NCEH1: variants seen among roughly 807,000 people sequenced by gnomAD.
NCEH1 encodes the protein neutral cholesterol ester hydrolase 1.
In NCEH1, 9 loss-of-function variants were observed where a neutral mutation model predicts 25.4. The observed-to-expected ratio is 0.35, with a 90% CI of 0.21 to 0.62. The LOEUF (loss-of-function observed/expected upper bound fraction) is 0.62. Among genes scored for constraint, NCEH1 ranks in the 20% least tolerant of loss-of-function variants. The probability of loss-of-function intolerance (pLI) is 0.72; values close to 1 mark genes in which losing one functional copy is unlikely to be tolerated. For synonymous variants in NCEH1, 200 were observed against 199.8 expected, an observed-to-expected ratio of 1.00 and a Z score of -0.01; for missense variants, 412 against 501.1, an observed-to-expected ratio of 0.82 and a Z score of 1.70.
At chr3:172,637,090 A>G (rs1716629304) in intron 3 of NCEH1, among the ~76,000 whole-genome samples, 1 of 152,126 alleles carries the variant, frequency 6.6e-6, no homozygotes, top group African/African-American at 2.4e-5. Context: ...TATGAAAATT[A>G]TCATATGTTT....
At chr3:172,651,301 T>A (rs191042951) in intron 1 of NCEH1, among the ~76,000 whole-genome samples, 6 of 152,314 alleles carry the variant, frequency 3.9e-5, no homozygotes, top group Admixed American at 3.9e-4. Flanking sequence ...CTCTGAGCCC[T>A]ATCCAGTATG....
intron 1 of NCEH1, among the ~76,000 whole-genome samples, chr3:172,679,914 C>T (rs1438487400): frequency 6.6e-6 from 1 of 152,014 alleles, no homozygotes. Context: ...TTGCAGGCTA[C>T]GTGAATGACA....
intron 1 of NCEH1, among the ~76,000 whole-genome samples, chr3:172,650,812 G>GAAAAAA (rs768170518): frequency 2.8e-5 from 1 of 35,906 alleles, no homozygotes; most frequent in African/African-American, 9.7e-5. Context: ...ACTCTGCCTC[G>GAAAAAA]AAAAAAAAAA....
chr3:172,637,758 G>A (rs190914330), intron 3 of NCEH1, among the ~76,000 whole-genome samples: 4 of 152,246 alleles, frequency 2.6e-5, no homozygotes, highest in African/African-American at 9.6e-5. Flanking sequence ...GCACGGTCGT[G>A]GGCGCCTGTA....
chr3:172,700,842 T>C (rs1479956763), intron 1 of NCEH1, among the ~76,000 whole-genome samples: 6 of 151,822 alleles, frequency 4.0e-5, no homozygotes, highest in African/African-American at 1.2e-4. Context: ...CAAATGGAAA[T>C]AACAATGGCA....
intron 1 of NCEH1, among the ~76,000 whole-genome samples, chr3:172,695,678 TCAC>T (rs1402038835): frequency 6.6e-6 from 1 of 152,178 alleles, no homozygotes; most frequent in African/African-American, 2.4e-5. Context: ...GTGCGGTGGC[TCAC>T]GTCTGTAGTC....
At position 172,683,004 on chromosome 3, in the gene NCEH1, T is replaced by C. The variant is rs77469127; in HGVS notation, c.138+27843A>G. Among the ~76,000 whole-genome samples, 1,306 of 152,338 alleles carry C rather than the reference T, an allele frequency of 8.6e-3. 22 individuals carry two copies. The highest frequency in any genetic ancestry group is 0.03 in the African/African-American group (1,260 of 41,562). On this transcript the variant is annotated intron_variant, in intron 1 of 4. Transcript: ENST00000475381. ...GCTAAGAAGTAGAAAGGATTTAAGTTTGCTCGCATTAGCTATGCTTTCATT... is the reference window on the plus strand; with the variant it reads ...GCTAAGAAGTAGAAAGGATTTAAGTCTGCTCGCATTAGCTATGCTTTCATT...
At chr3:172,655,427 T>C (rs1463658868) in intron 1 of NCEH1, among the ~76,000 whole-genome samples, 1 of 152,150 alleles carries the variant, frequency 6.6e-6, no homozygotes, top group Non-Finnish European at 1.5e-5. Context: ...AGATGCTAAG[T>C]TATTTATGTG....
chr3:172,640,354 A>G (rs1051356141), intron 3 of NCEH1, among the ~76,000 whole-genome samples: 1 of 152,204 alleles, frequency 6.6e-6, no homozygotes, highest in Non-Finnish European at 1.5e-5. Flanking sequence ...AAACAAATCA[A>G]TAATTAAATC....
At chr3:172,691,535 G>T (rs1262217325) in intron 1 of NCEH1, among the ~76,000 whole-genome samples, 1 of 152,302 alleles carries the variant, frequency 6.6e-6, no homozygotes, top group Non-Finnish European at 1.5e-5. Flanking sequence ...CACACAGTGG[G>T]GAAGTCCACA....
intron 1 of NCEH1, among the ~76,000 whole-genome samples, chr3:172,673,610 TCA>T (rs1217170807): frequency 1.3e-5 from 2 of 152,210 alleles, no homozygotes; most frequent in Admixed American, 6.5e-5. Context: ...CAGGTTATCC[TCA>T]GTTTTTCTTT....
chr3:172,632,647 G>T lies in NCEH1; in HGVS notation c.*828C>A, dbSNP rs186938481. The stretch of plus-strand genomic sequence containing the variant: ...AGAAGTATTTTTATGTGAAACACTA[G>T]GTTGTTTCATTTGTCTGTTTTTACT... On this transcript the variant is annotated 3_prime_UTR_variant, in exon 5 of 5. Transcript: ENST00000475381. 1 of 152,420 alleles carries T rather than the reference G, an allele frequency of 6.6e-6. No homozygotes were observed. The highest frequency in any genetic ancestry group is 1.9e-4 in the East Asian group (1 of 5,176). 9.4% of individuals were successfully genotyped at this position (152,420 alleles called of 1,614,324 possible).
chr3:172,697,670 GA>G (rs1334396727), intron 1 of NCEH1, among the ~76,000 whole-genome samples: 1 of 150,856 alleles, frequency 6.6e-6, no homozygotes, highest in Non-Finnish European at 1.5e-5. Flanking sequence ...AGCGTGGAGG[GA>G]GAGGAGGGAG....
intron 1 of NCEH1, among the ~76,000 whole-genome samples, chr3:172,655,291 A>T (rs1247546209): frequency 6.6e-6 from 1 of 152,232 alleles, no homozygotes; most frequent in Non-Finnish European, 1.5e-5. Context: ...ATCTAGGGGA[A>T]GAATTCCACC....
chr3:172,654,706 C>T (rs1717609448), intron 1 of NCEH1, among the ~76,000 whole-genome samples: 1 of 152,196 alleles, frequency 6.6e-6, no homozygotes, highest in African/African-American at 2.4e-5. Context: ...TCAACATGAA[C>T]CAGCAACATT....
chr3:172,702,828 T>A (rs11924949), intron 1 of NCEH1, among the ~76,000 whole-genome samples: 2 of 150,848 alleles, frequency 1.3e-5, no homozygotes, highest in Non-Finnish European at 3.0e-5. Context: ...TCCTAAAAAA[T>A]AAAAAAAGAA....
intron 3 of NCEH1, among the ~76,000 whole-genome samples, chr3:172,644,071 G>A (rs1716992716): frequency 6.6e-6 from 1 of 152,100 alleles, no homozygotes; most frequent in African/African-American, 2.4e-5. Flanking sequence ...CCAGCTGTCT[G>A]GACTCTAGGG....
chr3:172,638,850 A>T (rs1560178713), intron 3 of NCEH1, among the ~76,000 whole-genome samples: 1 of 152,198 alleles, frequency 6.6e-6, no homozygotes, highest in Non-Finnish European at 1.5e-5. Flanking sequence ...TCAATTAATA[A>T]TTGGCTTATA....
At position 172,647,890 on chromosome 3, in the gene NCEH1, A is replaced by T; in HGVS notation, c.363T>A (p.Ser121Arg). 1 of 1,614,134 alleles carries T rather than the reference A, an allele frequency of 6.2e-7. No homozygotes were observed. The change falls in exon 2 of 5, where the codon AGT becomes AGA. Residue 121 changes from serine to arginine, a missense_variant. Physicochemically the swap from Ser to Arg is moderately radical, Grantham distance 110. Transcript: ENST00000475381. ...CTGAAGGTGACCAGGACGCACTTGC[A>T]CTTGCCAAGGCCCAGCCTCCTCCGT... The part of the protein sequence containing the change: ...YIHGGGWALA[S>R]AKIRYYDELC...
Sources: gnomAD v4.1 joint callset for allele counts (sites outside exome capture counted in the v4.1 genomes callset) on GRCh38, gnomAD v4.1.1 for gene constraint, MANE v1.5 for transcripts, NCBI Gene and HGNC (gene_info 2026-07-23, HGNC 2026-07-21) for gene names.